The following HNF4G variants were observed in gnomAD, a reference collection of about 807,000 sequenced individuals.
HNF4G encodes hepatocyte nuclear factor 4-gamma.
Under a neutral mutation model 50.9 loss-of-function variants are expected in HNF4G, and 21 were observed. The observed-to-expected ratio is 0.41, with a 90% CI of 0.29 to 0.59. HNF4G has a LOEUF of 0.59. Ranked by LOEUF, HNF4G falls within the 20% of genes least tolerant of loss-of-function variation. HNF4G has a pLI of 0.26. For missense variants in HNF4G, 527 were observed against 559.4 expected, an observed-to-expected ratio of 0.94 and a Z score of 0.58; for synonymous variants, 198 against 185.6, an observed-to-expected ratio of 1.07 and a Z score of -0.54.
At position 75,539,897 on chromosome 8, in the gene HNF4G, A is replaced by T; in HGVS notation, c.-66A>T. ...TTAGCACTCACAGATTGAAAGCAAA[A>T]CACATCAAAACACTCATCACGCACT... On this transcript the variant is annotated 5_prime_UTR_variant, in exon 1 of 10. Transcript: ENST00000396423. 1.3e-6 allele frequency: 1 copy of T among 747,772 alleles called. No individual in the cohort carries two copies. The highest frequency in any genetic ancestry group is 2.4e-6 in the Non-Finnish European group (1 of 418,270). The allele number at this position is 747,772 out of a possible 1,614,324, so 46.3% of individuals were successfully genotyped here.
At chr8:75,512,532 T>G (rs1805784573) in intron 2 of HNF4G, among the ~76,000 whole-genome samples, 1 of 151,782 alleles carries the variant, frequency 6.6e-6, no homozygotes, top group Non-Finnish European at 1.5e-5. Flanking sequence ...TGGTGCAATC[T>G]CAGCTCACTG....
At chr8:75,449,321 C>T (rs939455098) in intron 1 of HNF4G, among the ~76,000 whole-genome samples, 9 of 151,952 alleles carry the variant, frequency 5.9e-5, no homozygotes, top group Non-Finnish European at 1.2e-4. Flanking sequence ...ATTAAAGCAG[C>T]TATAAACAAC....
intron 9 of HNF4G, among the ~76,000 whole-genome samples, chr8:75,563,704 A>G (rs1465879209): frequency 6.6e-6 from 1 of 152,016 alleles, no homozygotes; most frequent in Non-Finnish European, 1.5e-5. Context: ...TATAAATGCT[A>G]TTAGGAAAGG....
Position 75,438,761 on chromosome 8 carries a change from C to T in HNF4G, c.-144+30599C>T, listed in dbSNP as rs543823595. The stretch of plus-strand genomic sequence containing the variant: ...AGAATTACAACAGGACTCACACTCT[C>T]GTTATCTCTTCTACTCTATACTCCA... On this transcript the variant is annotated intron_variant, in intron 1 of 10. Transcript: ENST00000354370. Among the ~76,000 whole-genome samples, 13 of 152,186 alleles carry T rather than the reference C, an allele frequency of 8.5e-5. No homozygotes were observed. In the East Asian group the frequency reaches 9.6e-4, roughly 11 times the overall value.
chr8:75,523,175 A>C (rs1806090527), intron 2 of HNF4G, among the ~76,000 whole-genome samples: 1 of 152,062 alleles, frequency 6.6e-6, no homozygotes, highest in Non-Finnish European at 1.5e-5. Context: ...CAGTGAGCCG[A>C]GATCGCGCCA....
chr8:75,413,864 TA>T (rs67233685), intron 1 of HNF4G, among the ~76,000 whole-genome samples: 3 of 151,394 alleles, frequency 2.0e-5, no homozygotes, highest in Admixed American at 6.6e-5. Flanking sequence ...CTAAAAGATT[TA>T]AAAAAAAATA....
chr8:75,477,087 G>A (rs980767576), intron 1 of HNF4G, among the ~76,000 whole-genome samples: 8 of 152,122 alleles, frequency 5.3e-5, no homozygotes, highest in Non-Finnish European at 4.4e-5. Context: ...TCAACATCTT[G>A]TCAATTTTAA....
At chr8:75,555,915 A>T in intron 5 of HNF4G, 67 bp from the exon 6 acceptor site, 1 of 879,600 alleles carries the variant, frequency 1.1e-6, no homozygotes, top group East Asian at 2.7e-5. Context: ...TAAGTTAACA[A>T]GACTCATGTC....
chr8:75,556,042 A>G lies in HNF4G; in HGVS notation c.706A>G (p.Met236Val), dbSNP rs1293682861. 3 of 1,579,050 alleles carry G rather than the reference A, an allele frequency of 1.9e-6. No homozygotes were observed. The highest frequency in any genetic ancestry group is 1.2e-5 in the South Asian group (1 of 85,570). The change falls in exon 6 of 10, where the codon ATG (methionine) becomes GTG (valine). Residue 236 changes from methionine (M) to valine (V), a missense_variant. Coordinates refer to ENST00000396423, the MANE Select transcript of HNF4G (RefSeq NM_004133.5). ...HLLLGATKRS[M>V]MYKDILLLGN... ...ACTGCTTGGAGCTACAAAGAGATCC[A>G]TGATGTATAAAGATATTTTGCTTTT...
intron 1 of HNF4G, among the ~76,000 whole-genome samples, chr8:75,489,615 T>G (rs1301174312): frequency 6.6e-6 from 1 of 152,202 alleles, no homozygotes; most frequent in East Asian, 1.9e-4. Flanking sequence ...ACCTAATTAT[T>G]TAGTGCTAAG....
At chr8:75,492,803 T>TG (rs1812665173) in intron 2 of HNF4G, among the ~76,000 whole-genome samples, 1 of 152,142 alleles carries the variant, frequency 6.6e-6, no homozygotes, top group Non-Finnish European at 1.5e-5. Flanking sequence ...AAGATATTTC[T>TG]GGCTTTGAAT....
chr8:75,412,961 G>A (rs144329541), intron 1 of HNF4G, among the ~76,000 whole-genome samples: 84 of 152,102 alleles, frequency 5.5e-4, no homozygotes, highest in African/African-American at 2.0e-3. Context: ...AGCAAAAAGG[G>A]TACATTTAGC....
At chr8:75,517,994 T>A (rs921343245) in intron 2 of HNF4G, among the ~76,000 whole-genome samples, 59 of 151,930 alleles carry the variant, frequency 3.9e-4, no homozygotes, top group African/African-American at 1.4e-3. Flanking sequence ...TTTTTTTAAT[T>A]ATTATTATTA....
At chr8:75,410,307 C>T (rs1810470602) in intron 1 of HNF4G, among the ~76,000 whole-genome samples, 1 of 152,132 alleles carries the variant, frequency 6.6e-6, no homozygotes, top group African/African-American at 2.4e-5. Flanking sequence ...TTGTACCATG[C>T]TTGCCAACAC....
chr8:75,471,626 A>T (rs1812116540), intron 1 of HNF4G, among the ~76,000 whole-genome samples: 1 of 152,108 alleles, frequency 6.6e-6, no homozygotes, highest in African/African-American at 2.4e-5. Context: ...TTTCCAATTT[A>T]TCTTTCTTTC....
At chr8:75,562,981 C>T (rs574964023) in intron 9 of HNF4G, among the ~76,000 whole-genome samples, 20 of 152,200 alleles carry the variant, frequency 1.3e-4, no homozygotes, top group African/African-American at 4.3e-4. Flanking sequence ...AATTTTGCTT[C>T]TAAGTAATTG....
chr8:75,549,404 T>A (rs2130798023), intron 3 of HNF4G, among the ~76,000 whole-genome samples: 1 of 152,268 alleles, frequency 6.6e-6, no homozygotes, highest in South Asian at 2.1e-4. Context: ...TAATTTTTTA[T>A]CTCTGCATAT....
At chr8:75,543,702 C>T in intron 1 of HNF4G, 109 bp from the exon 2 acceptor site, 2 of 857,572 alleles carry the variant, frequency 2.3e-6, no homozygotes, top group South Asian at 4.1e-5. Flanking sequence ...AGTGTGGGGT[C>T]TCCAAGAAGC....
chr8:75,548,235 T>C (rs1347787707), intron 3 of HNF4G, among the ~76,000 whole-genome samples: 1 of 152,126 alleles, frequency 6.6e-6, no homozygotes, highest in Non-Finnish European at 1.5e-5. Flanking sequence ...TCCACCCCTC[T>C]CAGCCTCCCA....
Sources: allele counts gnomAD v4.1 joint callset (sites outside exome capture counted in the v4.1 genomes callset), GRCh38; gene constraint gnomAD v4.1.1; transcripts MANE v1.5; gene names NCBI Gene and HGNC (gene_info 2026-07-23, HGNC 2026-07-21).